Variants in PLCZ1 observed in about 807,000 individuals in gnomAD.
The protein encoded by PLCZ1 is phospholipase C zeta 1.
PLCZ1 carries 64 observed loss-of-function variants against 76.8 expected under a neutral mutation model. That is an observed-to-expected ratio of 0.83 (90% CI 0.68 to 1.03). The LOEUF is 1.03. PLCZ1 is among the 50% of genes least tolerant of loss of function. The probability of loss-of-function intolerance (pLI) is 0.00; values close to 1 mark genes in which losing one functional copy is unlikely to be tolerated. For synonymous variants in PLCZ1, 248 were observed against 230.8 expected (o/e 1.07, Z -0.68); for missense variants, 751 against 713.7 (o/e 1.05, Z -0.60).
chr12:18,693,595 T>C (rs1954480674), intron 12 of PLCZ1: 4 of 1,586,378 alleles, frequency 2.5e-6, no homozygotes, highest in Non-Finnish European at 3.5e-6. Flanking sequence ...TGTTTCGAGT[T>C]GCTGAAGAAC....
the PLCZ1 span, among the ~76,000 whole-genome samples, chr12:18,659,639 T>C: frequency 6.6e-5 from 10 of 151,420 alleles, no homozygotes; most frequent in South Asian, 1.9e-3. Flanking sequence ...TTAAGTCTCC[T>C]TTACTATGGA....
chr12:18,696,161 C>T lies in PLCZ1; in HGVS notation c.1280G>A (p.Gly427Asp), dbSNP rs374938372. Reference protein sequence around the residue: ...NFNPQEFWNIGCQMVALNFQT... With the variant: ...NFNPQEFWNIDCQMVALNFQT... ...CGTATATAACATACCCATTTGACAA[C>T]CTATATTCCAAAATTCTTGGGGATT... Residue 427 changes from glycine (G) to aspartate (D), a missense_variant, in exon 11 of 15, where the codon GGT (glycine) becomes GAT (aspartate). Gly to Asp is a moderately conservative substitution (Grantham distance 94). Transcript: ENST00000266505. The T allele has an allele frequency of 3.4e-5, 52 of 1,530,918 alleles. 1 individual carries two copies. The highest frequency in any genetic ancestry group is 1.6e-4 in the South Asian group (14 of 88,558). The allele number at this position is 1,530,918 out of a possible 1,614,324, so 94.8% of individuals were successfully genotyped here. A position where few individuals can be genotyped will look rare whatever the true frequency, so the allele number is the denominator to read the frequency against.
chr12:18,714,788 A>C (rs1957753265), intron 5 of PLCZ1: 1 of 152,130 alleles, frequency 6.6e-6, no homozygotes, highest in South Asian at 2.1e-4. Flanking sequence ...TCTAGCAGGT[A>C]ACGGTCACAA....
At position 18,693,942 on chromosome 12, in the gene PLCZ1, A is replaced by T. The variant is rs915840406; in HGVS notation, c.1461+968T>A. ...CACGACTTGATCATGGCTAAAGATGACCTCTCTGGTGCTGACATCAAGGCA... is the reference window on the plus strand; with the variant it reads ...CACGACTTGATCATGGCTAAAGATGTCCTCTCTGGTGCTGACATCAAGGCA... On this transcript the variant is annotated intron_variant, in intron 12 of 14. Transcript: ENST00000266505. 5.9e-6 allele frequency: 9 copies of T among 1,521,188 alleles called. No individual in the cohort carries two copies. The African/African-American group carries it at 1.2e-4, about 21-fold the overall frequency. The allele number at this position is 1,521,188 out of a possible 1,614,324, so 94.2% of individuals were successfully genotyped here. A position where few individuals can be genotyped will look rare whatever the true frequency, so the allele number is the denominator to read the frequency against.
At chr12:18,702,072 GTATA>G (rs986998392) in intron 7 of PLCZ1, among the ~76,000 whole-genome samples, 1 of 151,708 alleles carries the variant, frequency 6.6e-6, no homozygotes, top group Non-Finnish European at 1.5e-5. Flanking sequence ...TATGTGAAAA[GTATA>G]TATATATAAA....
chr12:18,667,881 T>C, the PLCZ1 span, among the ~76,000 whole-genome samples: 1 of 152,282 alleles, frequency 6.6e-6, no homozygotes, highest in East Asian at 1.9e-4. Context: ...CTGCCCATGG[T>C]TCTAGAAGAT....
chr12:18,704,484 C>A (rs1956343638), intron 7 of PLCZ1, among the ~76,000 whole-genome samples: 1 of 152,084 alleles, frequency 6.6e-6, no homozygotes, highest in African/African-American at 2.4e-5. Flanking sequence ...TGCCACGACA[C>A]CCAGCTAATT....
chr12:18,655,697 C>A, the PLCZ1 span, among the ~76,000 whole-genome samples: 2 of 151,508 alleles, frequency 1.3e-5, no homozygotes, highest in African/African-American at 4.9e-5. Flanking sequence ...ATGAAAGTGG[C>A]ACTTTACCTC....
At chr12:18,688,817 T>C (rs1354694768) in intron 12 of PLCZ1, among the ~76,000 whole-genome samples, 2 of 152,062 alleles carry the variant, frequency 1.3e-5, no homozygotes, top group African/African-American at 4.8e-5. Context: ...AACAAAACTA[T>C]ATTTGAAATG....
chr12:18,702,009 A>C (rs1956005399), intron 7 of PLCZ1, among the ~76,000 whole-genome samples: 1 of 152,106 alleles, frequency 6.6e-6, no homozygotes, highest in Non-Finnish European at 1.5e-5. Flanking sequence ...GAGACTTACC[A>C]TATGCCATTT....
chr12:18,699,643 C>T, intron 10 of PLCZ1, 151 bp downstream of exon 10: 2 of 793,802 alleles, frequency 2.5e-6, no homozygotes, highest in Admixed American at 4.6e-5. Flanking sequence ...TTAATGAGAC[C>T]TGAGGTATGT....
At position 18,712,975 on chromosome 12, in the gene PLCZ1, T is replaced by G. The variant is rs775085774; in HGVS notation, c.581A>C (p.Lys194Thr). Residue 194 changes from lysine (K) to threonine (T), a missense_variant, in exon 6 of 15, where the codon AAA (lysine) becomes ACA (threonine). Coordinates refer to ENST00000266505, the MANE Select transcript of PLCZ1 (RefSeq NM_033123.4). ...DLWGYVSALV[K>T]GCRCLEIDCW... ...GTCAATCTCCAAACAACGGCATCCT[T>G]TCACAAGGGCACTAGCAAAATTTCA... 3 of 1,613,806 alleles carry G rather than the reference T, an allele frequency of 1.9e-6. No individual in the cohort carries two copies. The East Asian group carries it at 6.7e-5, about 36-fold the overall frequency.
chr12:18,679,958 T>C (rs1952260548), downstream of PLCZ1, among the ~76,000 whole-genome samples: 1 of 151,956 alleles, frequency 6.6e-6, no homozygotes, highest in South Asian at 2.1e-4. Flanking sequence ...GGAATGAGGG[T>C]TTCCAGTGGC....
chr12:18,706,247 A>T (rs1431812361), intron 6 of PLCZ1, among the ~76,000 whole-genome samples: 1 of 152,034 alleles, frequency 6.6e-6, no homozygotes, highest in Non-Finnish European at 1.5e-5. Context: ...TAAAAATAAA[A>T]AAAAAAAAAG....
chr12:18,715,862 T>G (rs999247251), intron 5 of PLCZ1: 4 of 152,176 alleles, frequency 2.6e-5, no homozygotes, highest in Non-Finnish European at 5.9e-5. Context: ...TTTAGGCATG[T>G]GGCAATGCAC....
intron 10 of PLCZ1, among the ~76,000 whole-genome samples, chr12:18,697,664 C>T (rs1398055407): frequency 2.0e-5 from 3 of 152,138 alleles, no homozygotes; most frequent in Non-Finnish European, 2.9e-5. Flanking sequence ...AACTCCTTCA[C>T]ATATATCTTC....
intron 6 of PLCZ1, among the ~76,000 whole-genome samples, chr12:18,711,811 C>G (rs1260322152): frequency 6.6e-6 from 1 of 151,554 alleles, no homozygotes; most frequent in Non-Finnish European, 1.5e-5. Context: ...GGTGTGAGTT[C>G]AAGAAAGAGA....
At chr12:18,646,426 A>T in the PLCZ1 span, among the ~76,000 whole-genome samples, 1 of 152,162 alleles carries the variant, frequency 6.6e-6, no homozygotes, top group Non-Finnish European at 1.5e-5. Context: ...ATCATATTGT[A>T]TCTCATGCCC....
chr12:18,701,055 G>C (rs1955838156), intron 9 of PLCZ1, among the ~76,000 whole-genome samples: 1 of 151,598 alleles, frequency 6.6e-6, no homozygotes, highest in Non-Finnish European at 1.5e-5. Context: ...CTCGATCTCG[G>C]CTCACTGCAA....
Sources: allele counts gnomAD v4.1 joint callset (sites outside exome capture counted in the v4.1 genomes callset), GRCh38; gene constraint gnomAD v4.1.1; transcripts MANE v1.5; gene names NCBI Gene and HGNC (gene_info 2026-07-23, HGNC 2026-07-21).